CDK18: variants seen among roughly 807,000 people sequenced by gnomAD.
The protein encoded by CDK18 is cyclin-dependent kinase 18.
In CDK18, 52 loss-of-function variants were observed where a neutral mutation model predicts 62.0. That is an observed-to-expected ratio of 0.84 (90% CI 0.67 to 1.06). The LOEUF (loss-of-function observed/expected upper bound fraction) is 1.06, where lower values mean the gene tolerates loss of function less well. CDK18 is among the 50% of genes least tolerant of loss of function. The pLI, the probability that CDK18 is intolerant of heterozygous loss-of-function variation, is 0.00. For synonymous variants in CDK18, 237 were observed against 247.0 expected (o/e 0.96, Z 0.38); for missense variants, 604 against 619.9 (o/e 0.97, Z 0.27).
At position 205,527,447 on chromosome 1, in the gene CDK18, C is replaced by G. The variant is rs993154252; in HGVS notation, c.730-347C>G. 3.2e-5 allele frequency: 8 copies of G among 250,088 alleles called. No homozygotes were observed. Among genetic ancestry groups the G allele is most frequent in the Non-Finnish European group, 6.2e-5 (8 of 128,712 alleles). 15.5% of individuals were successfully genotyped at this position (250,088 alleles called of 1,614,324 possible). A position where few individuals can be genotyped will look rare whatever the true frequency, so the allele number is the denominator to read the frequency against. On this transcript the variant is annotated intron_variant, in intron 8 of 15. Transcript: ENST00000429964. The surrounding 1 kb of genome is among the most constrained non-coding windows in gnomAD (Gnocchi z 4.1). ...TGAGCCATGATCACACCACTGCACT[C>G]CAGCCTGGGTGACAGAGTAAAACCC... is the stretch of plus-strand genomic sequence containing the variant.
intron 1 of CDK18, among the ~76,000 whole-genome samples, chr1:205,508,208 C>T (rs1245752200): frequency 2.0e-5 from 3 of 152,260 alleles, no homozygotes; most frequent in Non-Finnish European, 2.9e-5. Context: ...TAACCCCTTA[C>T]GTCCCCTTCC....
At position 205,531,406 on chromosome 1, in the gene CDK18, G is replaced by A. The variant is rs762653098; in HGVS notation, c.*28G>A. The A allele has an allele frequency of 3.7e-6, 6 of 1,608,506 alleles. No individual in the cohort carries two copies. The Admixed American group carries it at 1.0e-4, about 27-fold the overall frequency. On this transcript the variant is annotated 3_prime_UTR_variant, in exon 16 of 16. Transcript: ENST00000429964. ...CACGCCCACCTTGCTGTGGCCAAGG[G>A]ACAAGAGATCACATGGAGCACAAAT...
At chr1:205,524,641 C>A (rs1668328484) in intron 4 of CDK18, among the ~76,000 whole-genome samples, 2 of 152,370 alleles carry the variant, frequency 1.3e-5, no homozygotes, top group South Asian at 4.1e-4. Flanking sequence ...CCTTCCAGTC[C>A]TAACTGCCTA....
intron 1 of CDK18, among the ~76,000 whole-genome samples, chr1:205,513,388 A>C (rs1250772956): frequency 6.6e-6 from 1 of 152,246 alleles, no homozygotes; most frequent in Non-Finnish European, 1.5e-5. Context: ...GAACTGACAG[A>C]AGGGCTCCTT....
rs773881781 is a variant in CDK18, at chr1:205,523,577, T to G, written c.225T>G (p.Pro75=). Reference sequence around the variant, plus strand: ...GGGAGGAGCCGGGGCAGCTCTCCCCTGGCGTGCAGTTCCAGCGGCGGCAGA... The same window carrying G: ...GGGAGGAGCCGGGGCAGCTCTCCCCGGGCGTGCAGTTCCAGCGGCGGCAGA... ...DSGEEPGQLS[P]GVQFQRRQNQ... Residue 75 remains proline (P), a synonymous_variant, in exon 3 of 16, where the codon CCT becomes CCG. Coordinates refer to ENST00000429964, the MANE Select transcript of CDK18 (RefSeq NM_212502.3). The G allele has an allele frequency of 6.3e-7, 1 of 1,597,604 alleles. No homozygotes were observed. The highest frequency in any genetic ancestry group is 2.3e-5 in the East Asian group (1 of 44,184).
At chr1:205,530,441 G>A in intron 14 of CDK18, 92 bp downstream of exon 14, 1 of 1,400,626 alleles carries the variant, frequency 7.1e-7, no homozygotes, top group Non-Finnish European at 1.0e-6. Flanking sequence ...AGAGGCCAGA[G>A]GCCCCAGCCC....
At chr1:205,506,568 GTAT>G (rs1297926065) in intron 1 of CDK18, among the ~76,000 whole-genome samples, 1 of 152,200 alleles carries the variant, frequency 6.6e-6, no homozygotes, top group African/African-American at 2.4e-5. Flanking sequence ...TATGAAGTAG[GTAT>G]TATTATCATC....
Position 205,527,859 on chromosome 1 carries a change from C to A in CDK18, c.795C>A (p.Asp265Glu). 6.2e-7 allele frequency: 1 copy of A among 1,614,112 alleles called. No homozygotes were observed. The highest frequency in any genetic ancestry group is 8.5e-7 in the Non-Finnish European group (1 of 1,180,002). ...YCHHRKILHR[D>E]LKPQNLLINE... is the part of the protein sequence containing the mutation. ...ACCACCGCAAGATCCTGCACCGGGA[C>A]CTGAAGCCCCAGAACCTGCTCATCA... is the stretch of plus-strand genomic sequence containing the variant. The change falls in exon 9 of 16, where the codon GAC (aspartate) becomes GAA (glutamate). Residue 265 changes from aspartate to glutamate, a missense_variant. Asp to Glu is a conservative substitution (Grantham distance 45, BLOSUM62 2). Transcript: ENST00000429964. This position sits in a 1 kb window ranked among gnomAD's most constrained non-coding sequence, Gnocchi z 4.1.
Position 205,529,005 on chromosome 1 carries a change from G to A in CDK18, c.981G>A (p.Val327=). 6.3e-7 allele frequency: 1 copy of A among 1,583,464 alleles called. No individual in the cohort carries two copies. The highest frequency in any genetic ancestry group is 1.8e-5 in the Admixed American group (1 of 55,520). The change falls in exon 11 of 16, where the codon GTG becomes GTA. Residue 327 remains valine, a synonymous_variant. Coordinates refer to ENST00000429964, the MANE Select transcript of CDK18 (RefSeq NM_212502.3). ...EYSTPIDMWG[V]GCIHYEMATG... is the part of the protein sequence containing the mutation. ...TACCCCTTGCTCCTCGCAGGGGCGT[G>A]GGCTGCATCCACTACGAGATGGCCA...
chr1:205,523,472 G>C lies in CDK18; in HGVS notation c.131-11G>C. On this transcript the variant is annotated splice_polypyrimidine_tract_variant and intron_variant, in intron 2 of 15. Transcript: ENST00000429964. ...GAGGCAGGGAGGGGAGCTGACGCCT[G>C]TCCCTCTTAGACTTGCAGCTCGGTC... The C allele has an allele frequency of 6.3e-7, 1 of 1,598,574 alleles. No individual in the cohort carries two copies.
chr1:205,529,845 C>G, intron 13 of CDK18: 1 of 1,345,576 alleles, frequency 7.4e-7, no homozygotes, highest in Non-Finnish European at 9.9e-7. Context: ...GGGATTAATA[C>G]CTATTTTATA....
At chr1:205,512,064 C>A (rs1370503028) in intron 1 of CDK18, among the ~76,000 whole-genome samples, 7 of 151,870 alleles carry the variant, frequency 4.6e-5, no homozygotes, top group African/African-American at 1.7e-4. Flanking sequence ...CACACACACA[C>A]ATACCTCTAA....
chr1:205,523,368 C>T (rs1331380583), intron 2 of CDK18, 71 bp downstream of exon 2: 6 of 1,603,662 alleles, frequency 3.7e-6, no homozygotes, highest in Non-Finnish European at 5.1e-6. Flanking sequence ...CCCCTCCCCG[C>T]CCACCCCCTC....
intron 6 of CDK18, 56 bp downstream of exon 6, chr1:205,526,235 C>T (rs1260988332): frequency 6.6e-7 from 1 of 1,523,826 alleles, no homozygotes. Context: ...AGGGGTTCAC[C>T]AGCCTGCACC....
intron 13 of CDK18, chr1:205,529,976 G>T (rs1668656722): frequency 1.4e-6 from 2 of 1,393,402 alleles, no homozygotes. Flanking sequence ...TTCTCCATCT[G>T]ATCATGGTTG....
At chr1:205,509,443 A>G (rs1390786238) in intron 1 of CDK18, among the ~76,000 whole-genome samples, 1 of 152,122 alleles carries the variant, frequency 6.6e-6, no homozygotes, top group Non-Finnish European at 1.5e-5. Flanking sequence ...CCATGGGTGG[A>G]GGCAATTTAT....
At position 205,528,176 on chromosome 1, in the gene CDK18, A is replaced by G. The variant is rs1282386978; in HGVS notation, c.974+8A>G. On this transcript the variant is annotated splice_region_variant and intron_variant, in intron 10 of 15. Coordinates refer to ENST00000429964, the MANE Select transcript of CDK18 (RefSeq NM_212502.3). This position sits in a 1 kb window ranked among gnomAD's most constrained non-coding sequence, Gnocchi z 4.2. ...CACCCCCATTGATATGTGGTGAGTG[A>G]GCACTGTGGGGACCGAGGAGGGGAG... 1 of 1,613,132 alleles carries G rather than the reference A, an allele frequency of 6.2e-7. No homozygotes were observed. The highest frequency in any genetic ancestry group is 8.5e-7 in the Non-Finnish European group (1 of 1,179,938).
intron 1 of CDK18, chr1:205,522,848 TGA>T: frequency 3.9e-6 from 1 of 258,962 alleles, no homozygotes; most frequent in African/African-American, 2.2e-5. Flanking sequence ...CCTGCTATTA[TGA>T]CCAATACTTT....
rs1668226470 is a variant in CDK18 at position 205,523,230 on chromosome 1, G to A, written c.63G>A (p.Glu21=). ...RRFSLSVPRT[E]TIEESLAEFT... is the part of the protein sequence containing the mutation. The stretch of plus-strand genomic sequence containing the variant: ...TCTCCCTGTCAGTGCCCCGCACTGA[G>A]ACCATTGAAGAATCCTTGGCTGAAT... Residue 21 remains glutamate (E), a synonymous_variant, in exon 2 of 16, where the codon GAG becomes GAA. Coordinates refer to ENST00000429964, the MANE Select transcript of CDK18 (RefSeq NM_212502.3). 2 of 1,613,970 alleles carry A rather than the reference G, an allele frequency of 1.2e-6. No individual in the cohort carries two copies. Among genetic ancestry groups the A allele is most frequent in the African/African-American group, 2.7e-5 (2 of 74,898 alleles).
Sources: allele counts gnomAD v4.1 joint callset (sites outside exome capture counted in the v4.1 genomes callset), GRCh38; gene constraint gnomAD v4.1.1; non-coding constraint Gnocchi (gnomAD v3.1); transcripts MANE v1.5; gene names NCBI Gene and HGNC (gene_info 2026-07-23, HGNC 2026-07-21).